The following MALT1 variants were observed in gnomAD, a reference collection of about 807,000 sequenced individuals.
The protein encoded by MALT1 is MALT1 paracaspase.
A neutral mutation model predicts 85.5 loss-of-function variants in MALT1; 36 were observed. The observed-to-expected ratio is 0.42, with a 90% CI of 0.32 to 0.56. MALT1 has a LOEUF of 0.56. Among genes scored for constraint, MALT1 ranks in the 20% least tolerant of loss-of-function variants. The pLI, the probability that MALT1 is intolerant of heterozygous loss-of-function variation, is 0.10. For missense variants in MALT1, 716 were observed against 981.6 expected, an observed-to-expected ratio of 0.73 and a Z score of 3.62; for synonymous variants, 359 against 361.3, an observed-to-expected ratio of 0.99 and a Z score of 0.07.
intron 4 of MALT1, among the ~76,000 whole-genome samples, chr18:58,704,251 A>G (rs535488239): frequency 1.3e-5 from 2 of 152,336 alleles, no homozygotes; most frequent in Admixed American, 6.5e-5. Flanking sequence ...TTAACTGCCA[A>G]AGTTTCCAAA....
At chr18:58,714,961 A>G (rs1292208418) in intron 8 of MALT1, among the ~76,000 whole-genome samples, 1 of 152,222 alleles carries the variant, frequency 6.6e-6, no homozygotes, top group East Asian at 1.9e-4. Flanking sequence ...GCAAACATCT[A>G]TTATTGTGAA....
chr18:58,726,334 G>A lies in MALT1; in HGVS notation c.1222+3083G>A, dbSNP rs747826722. Reference sequence around the variant, plus strand: ...AACATCAGACACATCTACACTAAATGTAAGTGTGGTAGAGGCTTGAGGGTT... The same window carrying A: ...AACATCAGACACATCTACACTAAATATAAGTGTGGTAGAGGCTTGAGGGTT... On this transcript the variant is annotated intron_variant, in intron 10 of 16. Transcript: ENST00000649217. Among the ~76,000 whole-genome samples, 7 of 152,304 alleles carry A rather than the reference G, an allele frequency of 4.6e-5. No individual in the cohort carries two copies. In the East Asian group the frequency reaches 1.4e-3, roughly 29 times the overall value.
At position 58,671,560 on chromosome 18, in the gene MALT1, G is replaced by A. The variant is rs56142402; in HGVS notation, c.-84G>A. On this transcript the variant is annotated 5_prime_UTR_variant, in exon 1 of 17. Transcript: ENST00000649217. The stretch of plus-strand genomic sequence containing the variant: ...CTTCCGCCCCTGCCTCCGCGGCTCG[G>A]AGGCGAGCGGAAGGTGCCCCGGGGC... 42,308 of 926,772 alleles carry A rather than the reference G, an allele frequency of 0.046. 1,126 individuals carry two copies. The highest frequency in any genetic ancestry group is 0.088 in the Middle Eastern group (222 of 2,532). 57.4% of individuals were successfully genotyped at this position (926,772 alleles called of 1,614,324 possible).
At position 58,700,574 on chromosome 18, in the gene MALT1, TC is replaced by T; in HGVS notation, c.635del (p.Pro212GlnfsTer27). On this transcript the variant is annotated frameshift_variant, in exon 4 of 17. Transcript: ENST00000649217. LOFTEE classifies it high-confidence loss of function. ...TGGTCACAGCTGGATGTTTGCGACATCCCAGAGAGCTTCCAGAGTAAGTAAC... is the reference window on the plus strand; with the variant it reads ...TGGTCACAGCTGGATGTTTGCGACATCCAGAGAGCTTCCAGAGTAAGTAAC... ...SQWSQLDVCD[I>X]PESFQRSVDG... 6.2e-7 allele frequency: 1 copy of T among 1,603,228 alleles called. No homozygotes were observed. Among genetic ancestry groups the T allele is most frequent in the Non-Finnish European group, 8.5e-7 (1 of 1,176,986 alleles).
At chr18:58,709,664 T>C in intron 5 of MALT1, 108 bp downstream of exon 5, 1 of 953,114 alleles carries the variant, frequency 1.0e-6, no homozygotes, top group Non-Finnish European at 1.5e-6. Flanking sequence ...GATGTTTTAA[T>C]GTTTTCAGTA....
At chr18:58,701,508 T>C (rs768689536) in intron 4 of MALT1, among the ~76,000 whole-genome samples, 2 of 152,242 alleles carry the variant, frequency 1.3e-5, no homozygotes, top group Non-Finnish European at 2.9e-5. Context: ...CTGAGCAGTG[T>C]AGGGATAAGG....
At chr18:58,746,295 A>T (rs911573597) in intron 16 of MALT1, among the ~76,000 whole-genome samples, 1 of 152,230 alleles carries the variant, frequency 6.6e-6, no homozygotes, top group African/African-American at 2.4e-5. Context: ...CTCGGAGTAC[A>T]GGTGTGAGCT....
intron 10 of MALT1, among the ~76,000 whole-genome samples, chr18:58,727,269 TTTTTTGGGTTTTTTTTTTG>T (rs1189180508): frequency 9.8e-5 from 2 of 20,476 alleles, no homozygotes; most frequent in East Asian, 0.04. Flanking sequence ...CTACCTAAGG[TTTTTTGGGTTTTTTTTTTG>T]GTTTTGGGTT....
chr18:58,727,616 G>GGTT (rs1555688173), intron 10 of MALT1, among the ~76,000 whole-genome samples: 11 of 121,268 alleles, frequency 9.1e-5, no homozygotes, highest in East Asian at 4.8e-4. Context: ...GGTTTTTTGT[G>GGTT]TTTTTTTTTT....
chr18:58,714,929 G>A (rs984539696), intron 8 of MALT1, among the ~76,000 whole-genome samples: 6 of 152,168 alleles, frequency 3.9e-5, no homozygotes, highest in African/African-American at 7.2e-5. Context: ...AGTTTGCTTA[G>A]TGTCATACTC....
intron 2 of MALT1, among the ~76,000 whole-genome samples, chr18:58,692,549 AT>A (rs1168621235): frequency 6.6e-6 from 1 of 151,408 alleles, no homozygotes; most frequent in Non-Finnish European, 1.5e-5. Flanking sequence ...AATTAAGCTG[AT>A]TAATAACCCT....
In MALT1 at chr18:58,744,454, G is replaced by C; in HGVS notation, c.1870G>C (p.Glu624Gln). 1 of 1,607,212 alleles carries C rather than the reference G, an allele frequency of 6.2e-7. No homozygotes were observed. Among genetic ancestry groups the C allele is most frequent in the Non-Finnish European group, 8.5e-7 (1 of 1,176,192 alleles). The change falls in exon 15 of 17, where the codon GAG becomes CAG. Residue 624 changes from glutamate (E) to glutamine (Q), a missense_variant. Coordinates refer to ENST00000649217, the MANE Select transcript of MALT1 (RefSeq NM_006785.4). ...TACAAGTATAGTTTACAAACCACCGGAGATAATAATGTGTGATGCCTACGT... is the reference window on the plus strand; with the variant it reads ...TACAAGTATAGTTTACAAACCACCGCAGATAATAATGTGTGATGCCTACGT... The part of the protein sequence containing the change: ...IYTSIVYKPP[E>Q]IIMCDAYVTD...
intron 4 of MALT1, among the ~76,000 whole-genome samples, chr18:58,708,396 G>A (rs910533844): frequency 3.9e-5 from 6 of 152,188 alleles, no homozygotes; most frequent in Non-Finnish European, 8.8e-5. Context: ...TTTAAGTGCT[G>A]CATTCTGGGA....
intron 13 of MALT1, among the ~76,000 whole-genome samples, chr18:58,735,848 G>A (rs1215265402): frequency 6.6e-6 from 1 of 152,050 alleles, no homozygotes; most frequent in Non-Finnish European, 1.5e-5. Context: ...GATCCTAGGG[G>A]GTCTAATGCC....
intron 10 of MALT1, among the ~76,000 whole-genome samples, chr18:58,731,457 C>G (rs1365691131): frequency 1.3e-5 from 2 of 152,144 alleles, no homozygotes; most frequent in Non-Finnish European, 2.9e-5. Flanking sequence ...TTAAAATTCC[C>G]TGTGTGTGCA....
At position 58,745,650 on chromosome 18, in the gene MALT1, AT is replaced by A. The variant is rs199915155; in HGVS notation, c.1912-5del. ...TTGATTTCATTATTAACAGTCCCTA[AT>A]TTTTTTTTTTACAGGATCTAGATAT... On this transcript the variant is annotated splice_polypyrimidine_tract_variant and intron_variant, in intron 15 of 16. Coordinates refer to ENST00000649217, the MANE Select transcript of MALT1 (RefSeq NM_006785.4). 0.012 allele frequency: 13,279 copies of A among 1,143,316 alleles called. 5 individuals are homozygous for A. The highest frequency in any genetic ancestry group is 0.013 in the East Asian group (444 of 34,460). 70.8% of individuals were successfully genotyped at this position (1,143,316 alleles called of 1,614,324 possible).
intron 3 of MALT1, among the ~76,000 whole-genome samples, chr18:58,699,668 T>C (rs541261890): frequency 2.0e-5 from 3 of 152,352 alleles, no homozygotes; most frequent in Admixed American, 6.5e-5. Flanking sequence ...GTTTTGAATT[T>C]GGGAGTATTT....
At position 58,723,130 on chromosome 18, in the gene MALT1, C is replaced by T. The variant is rs764868894; in HGVS notation, c.1101C>T (p.Tyr367=). ...PKLKAPLVDV[Y]ELTNLLRQLD... ...TCAAAGCTCCTTTGGTGGATGTGTA[C>T]GAATTGACTAACTTACTGAGACAGC... The change falls in exon 10 of 17, where the codon TAC becomes TAT. Residue 367 remains tyrosine, a synonymous_variant. Transcript: ENST00000649217. The T allele has an allele frequency of 1.1e-5, 18 of 1,612,588 alleles. No individual in the cohort carries two copies. The highest frequency in any genetic ancestry group is 4.0e-5 in the African/African-American group (3 of 74,726).
At chr18:58,734,232 ATTAT>A (rs1445311809) in intron 11 of MALT1, 71 bp from the exon 12 acceptor site, 3 of 1,171,228 alleles carry the variant, frequency 2.6e-6, no homozygotes, top group Non-Finnish European at 3.7e-6. Flanking sequence ...GTATTTTCTC[ATTAT>A]TTATACCCTT....
Sources: gnomAD v4.1 joint callset for allele counts (sites outside exome capture counted in the v4.1 genomes callset) on GRCh38, gnomAD v4.1.1 for gene constraint, MANE v1.5 for transcripts, NCBI Gene and HGNC (gene_info 2026-07-23, HGNC 2026-07-21) for gene names.